Variants in FSHB observed in about 807,000 individuals in gnomAD.
The protein encoded by FSHB is follicle stimulating hormone subunit beta.
In FSHB, 8 loss-of-function variants were observed where a neutral mutation model predicts 12.1. That is an observed-to-expected ratio of 0.66 (90% CI 0.39 to 1.19). The LOEUF is 1.19. Among genes scored for constraint, FSHB ranks in the 50% most tolerant of loss-of-function variants. The pLI is 0.01. For synonymous variants in FSHB, 55 were observed against 54.6 expected (o/e 1.01, Z -0.04); for missense variants, 153 against 157.2 (o/e 0.97, Z 0.14).
chr11:30,231,382 A>G (rs1241343881), intron 1 of FSHB, among the ~76,000 whole-genome samples: 1 of 152,128 alleles, frequency 6.6e-6, no homozygotes, highest in Non-Finnish European at 1.5e-5. Context: ...TAATCCCAGC[A>G]CTTTGGGAGG....
chr11:30,231,787 G>A (rs1277469418), intron 1 of FSHB, 79 bp from the exon 2 acceptor site: 5 of 1,122,428 alleles, frequency 4.5e-6, no homozygotes, highest in South Asian at 1.3e-5. Context: ...GAAGCAAAAT[G>A]TGATTGAGGA....
chr11:30,232,601 A>C (rs1852023786), intron 2 of FSHB, among the ~76,000 whole-genome samples: 1 of 152,316 alleles, frequency 6.6e-6, no homozygotes, highest in South Asian at 2.1e-4. Context: ...AAAATGAATC[A>C]GCAAACCCAC....
chr11:30,233,967 T>TG lies in FSHB; in HGVS notation c.*172dup. 1 of 666,490 alleles carries TG rather than the reference T, an allele frequency of 1.5e-6. No individual in the cohort carries two copies. The highest frequency in any genetic ancestry group is 2.7e-6 in the Non-Finnish European group (1 of 370,948). The allele number at this position is 666,490 out of a possible 1,614,324, so 41.3% of individuals were successfully genotyped here. A position where few individuals can be genotyped will look rare whatever the true frequency, so the allele number is the denominator to read the frequency against. On this transcript the variant is annotated 3_prime_UTR_variant, in exon 3 of 3. Coordinates refer to ENST00000533718, the MANE Select transcript of FSHB (RefSeq NM_001382289.1). ...AGGGAACTCTGGGAATTGAGAGTGC[T>TG]GGGGGCCAGGACTCCATCATGATTC...
chr11:30,232,233 T>C (rs191741809), intron 2 of FSHB, among the ~76,000 whole-genome samples, 172 bp downstream of exon 2: 25 of 152,326 alleles, frequency 1.6e-4, no homozygotes, highest in Admixed American at 1.3e-3. Flanking sequence ...ACTTAGATGT[T>C]TGGGCTTGGA....
chr11:30,233,431 A>G, intron 2 of FSHB, 139 bp from the exon 3 acceptor site: 2 of 690,854 alleles, frequency 2.9e-6, no homozygotes, highest in Non-Finnish European at 5.2e-6. Context: ...AAATGTAAAT[A>G]GCATATAGGT....
chr11:30,232,623 T>C (rs1189638941), intron 2 of FSHB, among the ~76,000 whole-genome samples: 7 of 152,190 alleles, frequency 4.6e-5, no homozygotes, highest in African/African-American at 1.2e-4. Flanking sequence ...CCCTTCGTTA[T>C]AGCATTGAGA....
In FSHB at chr11:30,231,435, A is replaced by G. The variant is rs573763384; in HGVS notation, c.-38+387A>G. Among the ~76,000 whole-genome samples the G allele has an allele frequency of 5.3e-5, 8 of 152,306 alleles. No individual in the cohort carries two copies. The East Asian group carries it at 1.5e-3, about 29-fold the overall frequency. Reference sequence around the variant, plus strand: ...CTTGAGCCTGGAAGGTTGAAGATGCAGTGATTCATGATTATACCACTGCAC... The same window carrying G: ...CTTGAGCCTGGAAGGTTGAAGATGCGGTGATTCATGATTATACCACTGCAC... On this transcript the variant is annotated intron_variant, in intron 1 of 2. Transcript: ENST00000533718.
rs1035930442 is a variant in FSHB, at chr11:30,231,801, T to C, written c.-37-65T>C. On this transcript the variant is annotated intron_variant, in intron 1 of 2. Coordinates refer to ENST00000533718, the MANE Select transcript of FSHB (RefSeq NM_001382289.1). ...TGAAGCAAAATGTGATTGAGGAGGA[T>C]GAGCAGACCAATTATTTTTGGTTTG... The C allele has an allele frequency of 4.7e-6, 6 of 1,277,626 alleles. No individual in the cohort carries two copies. In the African/African-American group the frequency reaches 8.8e-5, roughly 19 times the overall value. The allele number at this position is 1,277,626 out of a possible 1,614,324, so 79.1% of individuals were successfully genotyped here.
At chr11:30,232,932 G>T (rs531527777) in intron 2 of FSHB, among the ~76,000 whole-genome samples, 3 of 152,060 alleles carry the variant, frequency 2.0e-5, no homozygotes, top group Middle Eastern at 6.3e-3. Flanking sequence ...ATTTCTCTAC[G>T]CAGTATAAAT....
In FSHB at chr11:30,233,647, G is replaced by A; in HGVS notation, c.237G>A (p.Val79=). The change falls in exon 3 of 3, where the codon GTG becomes GTA. Residue 79 remains valine, a synonymous_variant. Coordinates refer to ENST00000533718, the MANE Select transcript of FSHB (RefSeq NM_001382289.1). ...TCAAGGAACTGGTATACGAAACAGT[G>A]AGAGTGCCCGGCTGTGCTCACCATG... is the stretch of plus-strand genomic sequence containing the variant. ...CTFKELVYET[V]RVPGCAHHAD... 6.2e-7 allele frequency: 1 copy of A among 1,613,992 alleles called. No individual in the cohort carries two copies. The highest frequency in any genetic ancestry group is 1.7e-5 in the Admixed American group (1 of 60,006).
chr11:30,234,114 A>C lies in FSHB; in HGVS notation c.*314A>C, dbSNP rs1852049209. 1 of 364,932 alleles carries C rather than the reference A, an allele frequency of 2.7e-6. No homozygotes were observed. The highest frequency in any genetic ancestry group is 2.1e-5 in the African/African-American group (1 of 47,544). The allele number at this position is 364,932 out of a possible 1,614,324, so 22.6% of individuals were successfully genotyped here. ...CAGGCAATGCCTCTCTCTTAGGGGG[A>C]AACATAAGCCTAGAAGGAGGAAGCA... On this transcript the variant is annotated 3_prime_UTR_variant, in exon 3 of 3. Coordinates refer to ENST00000533718, the MANE Select transcript of FSHB (RefSeq NM_001382289.1).
rs506306 is a variant in FSHB at position 30,234,320 on chromosome 11, C to T, written c.*520C>T. On this transcript the variant is annotated 3_prime_UTR_variant, in exon 3 of 3. Coordinates refer to ENST00000533718, the MANE Select transcript of FSHB (RefSeq NM_001382289.1). ...GTCAAGGGTAGAAAATACTGGAAGA[C>T]GATGTTTGAGGTAAGCTGATGAGGC... 3 of 167,954 alleles carry T rather than the reference C, an allele frequency of 1.8e-5. No individual in the cohort carries two copies. Among genetic ancestry groups the T allele is most frequent in the South Asian group, 1.5e-4 (1 of 6,658 alleles). 10.4% of individuals were successfully genotyped at this position (167,954 alleles called of 1,614,324 possible).
chr11:30,233,867 T>A lies in FSHB; in HGVS notation c.*67T>A, dbSNP rs1852044272. The A allele has an allele frequency of 1.7e-5, 22 of 1,302,788 alleles. No individual in the cohort carries two copies. The highest frequency in any genetic ancestry group is 2.2e-5 in the Non-Finnish European group (20 of 913,512). The allele number at this position is 1,302,788 out of a possible 1,614,324, so 80.7% of individuals were successfully genotyped here. A position where few individuals can be genotyped will look rare whatever the true frequency, so the allele number is the denominator to read the frequency against. On this transcript the variant is annotated 3_prime_UTR_variant, in exon 3 of 3. Transcript: ENST00000533718. Reference sequence around the variant, plus strand: ...GACCAAGATATTCAAAAAGTCTGTGTGTGTGCAATGTGCCCAGGGGACAAA... The same window carrying A: ...GACCAAGATATTCAAAAAGTCTGTGAGTGTGCAATGTGCCCAGGGGACAAA...
chr11:30,232,579 A>T (rs1397599030), intron 2 of FSHB, among the ~76,000 whole-genome samples: 1 of 152,182 alleles, frequency 6.6e-6, no homozygotes, highest in African/African-American at 2.4e-5. Flanking sequence ...ATTCTTGCAG[A>T]CTGTTAGAAC....
Position 30,232,008 on chromosome 11 carries a change from C to T in FSHB, c.106C>T (p.Arg36Cys), listed in dbSNP as rs1852013970. The T allele has an allele frequency of 6.2e-7, 1 of 1,613,944 alleles. No homozygotes were observed. Among genetic ancestry groups the T allele is most frequent in the Non-Finnish European group, 8.5e-7 (1 of 1,179,876 alleles). Residue 36 changes from arginine (R) to cysteine (C), a missense_variant, in exon 2 of 3, where the codon CGT (arginine) becomes TGT (cysteine). Physicochemically the swap from Arg to Cys is radical, Grantham distance 180. Transcript: ENST00000533718. ...ITIAIEKEEC[R>C]FCISINTTWC... ...CATTGCAATAGAGAAAGAAGAATGT[C>T]GTTTCTGCATAAGCATCAACACCAC...
chr11:30,231,538 CT>C (rs1852005799), intron 1 of FSHB, among the ~76,000 whole-genome samples: 1 of 152,036 alleles, frequency 6.6e-6, no homozygotes, highest in African/African-American at 2.4e-5. Context: ...CAAAAATAGA[CT>C]TTAAAATAAT....
At position 30,231,914 on chromosome 11, in the gene FSHB, C is replaced by T; in HGVS notation, c.12C>T (p.Leu4=). ...CTTCCCAGACCAGGATGAAGACACT[C>T]CAGTTTTTCTTCCTTTTCTGTTGCT... MKT[L]QFFFLFCCWK... The change falls in exon 2 of 3, where the codon CTC becomes CTT. Residue 4 remains leucine (L), a synonymous_variant. Coordinates refer to ENST00000533718, the MANE Select transcript of FSHB (RefSeq NM_001382289.1). The T allele has an allele frequency of 3.7e-6, 6 of 1,613,866 alleles. No homozygotes were observed. The highest frequency in any genetic ancestry group is 4.2e-6 in the Non-Finnish European group (5 of 1,179,832).
intron 2 of FSHB, among the ~76,000 whole-genome samples, 160 bp downstream of exon 2, chr11:30,232,221 T>A (rs1366895145): frequency 1.3e-5 from 2 of 152,232 alleles, no homozygotes; most frequent in Admixed American, 1.3e-4. Context: ...GACCACGATA[T>A]CACTTAGATG....
intron 2 of FSHB, among the ~76,000 whole-genome samples, chr11:30,232,964 T>C (rs1355122381): frequency 6.6e-6 from 1 of 152,174 alleles, no homozygotes; most frequent in Non-Finnish European, 1.5e-5. Flanking sequence ...TGGAAAGTGC[T>C]ACTACAAATA....
Sources: allele counts gnomAD v4.1 joint callset (sites outside exome capture counted in the v4.1 genomes callset), GRCh38; gene constraint gnomAD v4.1.1; transcripts MANE v1.5; gene names NCBI Gene and HGNC (gene_info 2026-07-23, HGNC 2026-07-21).